The following HACL1 variants were observed in gnomAD, a reference collection of about 807,000 sequenced individuals.
The protein encoded by HACL1 is 2-hydroxyacyl-CoA lyase 1.
HACL1 carries 64 observed loss-of-function variants against 74.2 expected under a neutral mutation model. The ratio of observed to expected loss-of-function variants is 0.86; its 90% CI spans 0.70 to 1.06. The LOEUF (loss-of-function observed/expected upper bound fraction) is 1.06, where lower values mean the gene tolerates loss of function less well. HACL1 is among the 50% of genes least tolerant of loss of function. The probability of loss-of-function intolerance (pLI) is 0.00; values close to 1 mark genes in which losing one functional copy is unlikely to be tolerated. For synonymous variants in HACL1, 230 were observed against 238.8 expected (o/e 0.96, Z 0.34); for missense variants, 728 against 719.7 (o/e 1.01, Z -0.13).
intron 4 of HACL1, among the ~76,000 whole-genome samples, chr3:15,590,330 A>G (rs1390530387): frequency 1.3e-5 from 2 of 152,050 alleles, no homozygotes; most frequent in Non-Finnish European, 2.9e-5. Context: ...TTATCCTTCA[A>G]TGTGGAAAAA....
At chr3:15,574,880 TTAATAGTAATCAAGAAGA>T in intron 10 of HACL1, 79 bp downstream of exon 10, 1 of 543,870 alleles carries the variant, frequency 1.8e-6, no homozygotes, top group Admixed American at 3.0e-5. Flanking sequence ...AACAGTTTTT[TTAATAGTAATCAAGAAGA>T]TAACAGAGCT....
chr3:15,601,292 C>T (rs1191504347), intron 1 of HACL1, 91 bp downstream of exon 1: 13 of 1,579,424 alleles, frequency 8.2e-6, no homozygotes, highest in African/African-American at 5.4e-5. Flanking sequence ...CCCCCCGACC[C>T]CCATCGCCCA....
intron 2 of HACL1, among the ~76,000 whole-genome samples, chr3:15,600,173 A>C (rs2064171013): frequency 6.6e-6 from 1 of 151,146 alleles, no homozygotes; most frequent in South Asian, 2.1e-4. Flanking sequence ...AGCACAAACC[A>C]AGCCAGGCAC....
At chr3:15,593,857 G>T (rs761744351) in intron 3 of HACL1, among the ~76,000 whole-genome samples, 16 of 149,522 alleles carry the variant, frequency 1.1e-4, no homozygotes, top group Admixed American at 2.0e-4. Context: ...CAGTGCAATG[G>T]TGTGATCTCG....
intron 12 of HACL1, among the ~76,000 whole-genome samples, chr3:15,569,532 C>G (rs2063487905): frequency 6.6e-6 from 1 of 150,980 alleles, no homozygotes; most frequent in Middle Eastern, 3.4e-3. Flanking sequence ...AAAAAAAATA[C>G]AAAAATTGGC....
chr3:15,564,648 G>A lies in HACL1; in HGVS notation c.1420C>T (p.Pro474Ser), dbSNP rs745584676. ...EVETICRYNL[P>S]IILLVVNNNG... ...TTATTCACTACCAACAGTATGATTG[G>A]CAAGTTGTACCTAAAGTGAGAGTAA... Residue 474 changes from proline (P) to serine (S), a missense_variant, in exon 15 of 17, where the codon CCA becomes TCA. Transcript: ENST00000321169. 3 of 1,448,168 alleles carry A rather than the reference G, an allele frequency of 2.1e-6. No individual in the cohort carries two copies. Among genetic ancestry groups the A allele is most frequent in the East Asian group, 2.3e-5 (1 of 43,684 alleles). 89.7% of individuals were successfully genotyped at this position (1,448,168 alleles called of 1,614,324 possible).
chr3:15,582,943 A>G lies in HACL1; in HGVS notation c.601T>C (p.Ser201Pro). 6.2e-7 allele frequency: 1 copy of G among 1,612,176 alleles called. No individual in the cohort carries two copies. Among genetic ancestry groups the G allele is most frequent in the Non-Finnish European group, 8.5e-7 (1 of 1,178,622 alleles). ...ACAGAAGCCGCCGTGCACACAGCAG[A>G]GGTTTCTGCCATGCTAATAGGAGGT... ...MSPPISMAET[S>P]AVCTAASVIR... The change falls in exon 8 of 17, where the codon TCT becomes CCT. Residue 201 changes from serine (S) to proline (P), a missense_variant. Coordinates refer to ENST00000321169, the MANE Select transcript of HACL1 (RefSeq NM_012260.4).
intron 6 of HACL1, 61 bp downstream of exon 6, chr3:15,586,464 G>C (rs2063795717): frequency 1.6e-5 from 14 of 850,932 alleles, no homozygotes; most frequent in Non-Finnish European, 2.6e-5. Flanking sequence ...AAAAATAACA[G>C]TAAGTATGAG....
chr3:15,601,547 G>C lies in HACL1; in HGVS notation c.-84C>G. 1.2e-6 allele frequency: 2 copies of C among 1,604,544 alleles called. No individual in the cohort carries two copies. The highest frequency in any genetic ancestry group is 1.7e-6 in the Non-Finnish European group (2 of 1,179,416). On this transcript the variant is annotated 5_prime_UTR_variant, in exon 1 of 17. Coordinates refer to ENST00000321169, the MANE Select transcript of HACL1 (RefSeq NM_012260.4). ...AAGGCAAACGCGAAATCGGCAGCACGCCACCTCTGGTACTGCACCTCTGAC... is the reference window on the plus strand; with the variant it reads ...AAGGCAAACGCGAAATCGGCAGCACCCCACCTCTGGTACTGCACCTCTGAC...
At chr3:15,595,632 C>T (rs1256867398) in intron 3 of HACL1, among the ~76,000 whole-genome samples, 4 of 109,016 alleles carry the variant, frequency 3.7e-5, no homozygotes, top group South Asian at 3.0e-4. Flanking sequence ...TTTTTTGAGA[C>T]GGAGTCTCAC....
In HACL1 at chr3:15,587,535, C is replaced by T. The variant is rs147458959; in HGVS notation, c.382-933G>A. Among the ~76,000 whole-genome samples, 1,377 of 151,508 alleles carry T rather than the reference C, an allele frequency of 9.1e-3. 17 individuals are homozygous for T. Among genetic ancestry groups the T allele is most frequent in the African/African-American group, 0.032 (1,316 of 41,286 alleles). On this transcript the variant is annotated intron_variant, in intron 5 of 16. Coordinates refer to ENST00000321169, the MANE Select transcript of HACL1 (RefSeq NM_012260.4). ...ACCAGATACTTGGATTCTTTCTCTT[C>T]TGTTTTTAAATTTGATCTAATAAAC...
At chr3:15,570,952 CAA>C (rs1180555257) in intron 12 of HACL1, among the ~76,000 whole-genome samples, 1 of 131,500 alleles carries the variant, frequency 7.6e-6, no homozygotes. Context: ...TTTAAGGATT[CAA>C]AAAAAAAAAA....
chr3:15,562,880 C>T (rs1486084702), intron 16 of HACL1, among the ~76,000 whole-genome samples: 1 of 152,208 alleles, frequency 6.6e-6, no homozygotes, highest in Non-Finnish European at 1.5e-5. Flanking sequence ...TTTCCTCTTG[C>T]TACAGAGCCT....
chr3:15,585,287 G>C lies in HACL1; in HGVS notation c.515C>G (p.Ala172Gly). ...ATTCACCTGAAGGTTCACAAAATCT[G>C]CTGGTATGTCAACATAGCAAGCACC... is the stretch of plus-strand genomic sequence containing the variant. ...RPGACYVDIP[A>G]DFVNLQVNVN... Residue 172 changes from alanine (A) to glycine (G), a missense_variant, in exon 7 of 17, where the codon GCA becomes GGA. By Grantham distance (60) the Ala-to-Gly change is moderately conservative. Coordinates refer to ENST00000321169, the MANE Select transcript of HACL1 (RefSeq NM_012260.4). 6.2e-7 allele frequency: 1 copy of C among 1,602,376 alleles called. No individual in the cohort carries two copies. The highest frequency in any genetic ancestry group is 1.7e-5 in the Admixed American group (1 of 59,990).
chr3:15,596,817 G>GT (rs2064075577), intron 2 of HACL1, among the ~76,000 whole-genome samples: 2 of 151,610 alleles, frequency 1.3e-5, no homozygotes, highest in South Asian at 4.2e-4. Flanking sequence ...ATTTTTGTTG[G>GT]TTTTTCTCTA....
intron 3 of HACL1, among the ~76,000 whole-genome samples, chr3:15,593,265 G>T (rs2063989885): frequency 6.6e-6 from 1 of 151,540 alleles, no homozygotes; most frequent in South Asian, 2.1e-4. Context: ...TCAGGCTGGA[G>T]TGCAGTGGCA....
chr3:15,571,578 G>T, intron 12 of HACL1, 90 bp downstream of exon 12: 1 of 759,634 alleles, frequency 1.3e-6, no homozygotes, highest in South Asian at 1.5e-5. Flanking sequence ...ACATCAAGGT[G>T]ATTTTTAGGA....
chr3:15,566,649 C>A (rs550059148), intron 14 of HACL1, among the ~76,000 whole-genome samples: 17 of 151,588 alleles, frequency 1.1e-4, no homozygotes, highest in Admixed American at 1.1e-3. Context: ...AAGCAAGACC[C>A]CATCTTGAAA....
At chr3:15,574,939 T>G (rs181264699) in intron 10 of HACL1, 38 bp downstream of exon 10, 1 of 903,666 alleles carries the variant, frequency 1.1e-6, no homozygotes, top group South Asian at 1.4e-5. Flanking sequence ...ATAATGAACA[T>G]AGACATTTCT....
Sources: gnomAD v4.1 joint callset for allele counts (sites outside exome capture counted in the v4.1 genomes callset) on GRCh38, gnomAD v4.1.1 for gene constraint, MANE v1.5 for transcripts, NCBI Gene and HGNC (gene_info 2026-07-23, HGNC 2026-07-21) for gene names.